ATP8B4: variants seen among roughly 807,000 people sequenced by gnomAD.
ATP8B4 encodes the protein probable phospholipid-transporting ATPase IM.
A neutral mutation model predicts 145.6 loss-of-function variants in ATP8B4; 133 were observed. The ratio of observed to expected loss-of-function variants is 0.91; its 90% CI spans 0.79 to 1.05. ATP8B4 has a LOEUF of 1.05. Among genes scored for constraint, ATP8B4 ranks in the 50% least tolerant of loss-of-function variants. ATP8B4 has a pLI of 0.00. For missense variants in ATP8B4, 1,458 were observed against 1,425.2 expected (o/e 1.02, Z -0.37); for synonymous variants, 507 against 492.9 (o/e 1.03, Z -0.38).
intron 5 of ATP8B4, among the ~76,000 whole-genome samples, chr15:50,042,781 T>G (rs997121360): frequency 6.6e-6 from 1 of 152,096 alleles, no homozygotes; most frequent in Non-Finnish European, 1.5e-5. Context: ...GATGGACTAT[T>G]ACAGACTAAA....
At chr15:49,909,868 C>T (rs978553514) in intron 20 of ATP8B4, among the ~76,000 whole-genome samples, 4 of 151,930 alleles carry the variant, frequency 2.6e-5, no homozygotes, top group Non-Finnish European at 4.4e-5. Flanking sequence ...GAAAGTAAAT[C>T]CACAAAATTG....
intron 1 of ATP8B4, among the ~76,000 whole-genome samples, chr15:50,124,734 C>A (rs1016137367): frequency 6.6e-6 from 1 of 152,192 alleles, no homozygotes; most frequent in Non-Finnish European, 1.5e-5. Context: ...GACACTCAGA[C>A]ACAAGCAAGA....
At chr15:49,954,598 G>T (rs1222523911) in intron 14 of ATP8B4, among the ~76,000 whole-genome samples, 7 of 152,108 alleles carry the variant, frequency 4.6e-5, no homozygotes, top group Admixed American at 3.9e-4. Context: ...AATCATCAGA[G>T]AAATGCAAAT....
chr15:50,174,378 C>T (rs541863326), intron 1 of ATP8B4, among the ~76,000 whole-genome samples: 7 of 152,114 alleles, frequency 4.6e-5, no homozygotes, highest in African/African-American at 1.7e-4. Context: ...ACGATAGGAT[C>T]ATTTACCTTG....
upstream of ATP8B4, among the ~76,000 whole-genome samples, chr15:50,119,783 G>A (rs931685745): frequency 1.1e-4 from 11 of 103,560 alleles, no homozygotes; most frequent in Admixed American, 9.5e-5. Context: ...TTTTTTTACA[G>A]GGGAAGTTCA....
chr15:49,921,923 T>TCA (rs968104765), intron 17 of ATP8B4, among the ~76,000 whole-genome samples: 27 of 152,196 alleles, frequency 1.8e-4, no homozygotes, highest in African/African-American at 5.5e-4. Flanking sequence ...TCCTCTTAAT[T>TCA]CACACAAGCA....
chr15:49,897,996 T>A lies in ATP8B4; in HGVS notation c.2473+72A>T, dbSNP rs2037599834. 2.8e-5 allele frequency: 42 copies of A among 1,511,288 alleles called. No individual in the cohort carries two copies. The South Asian group carries it at 4.4e-4, about 16-fold the overall frequency. The allele number at this position is 1,511,288 out of a possible 1,614,324, so 93.6% of individuals were successfully genotyped here. A position where few individuals can be genotyped will look rare whatever the true frequency, so the allele number is the denominator to read the frequency against. ...TTAAATTTTAATGCAATCTAGTGAT[T>A]ATATATTGCCAAATGCTGAAACTGA... On this transcript the variant is annotated intron_variant, in intron 22 of 27. Transcript: ENST00000284509.
At chr15:50,111,792 T>A (rs1202452280) in intron 1 of ATP8B4, among the ~76,000 whole-genome samples, 1 of 152,190 alleles carries the variant, frequency 6.6e-6, no homozygotes, top group Non-Finnish European at 1.5e-5. Context: ...CATTGATGTC[T>A]CTTTGTCAAC....
At chr15:49,897,141 C>G (rs1369585685) in intron 23 of ATP8B4, 151 bp downstream of exon 23, 2 of 690,286 alleles carry the variant, frequency 2.9e-6, no homozygotes, top group Non-Finnish European at 2.3e-6. Flanking sequence ...CTCAAGTCAA[C>G]TATCAATTAC....
At chr15:49,990,099 G>A (rs2046932807) in intron 9 of ATP8B4, among the ~76,000 whole-genome samples, 1 of 152,118 alleles carries the variant, frequency 6.6e-6, no homozygotes, top group African/African-American at 2.4e-5. Context: ...CAACAGCCGG[G>A]GCTTAGTTTG....
At chr15:50,028,991 T>C (rs56400949) in intron 6 of ATP8B4, among the ~76,000 whole-genome samples, 48,811 of 151,786 alleles carry the variant, frequency 0.32, 8,342 homozygotes, top group East Asian at 0.64. Context: ...TCCCAGCACT[T>C]TGGGAGGCCG....
chr15:50,094,817 C>G (rs934817809), intron 2 of ATP8B4, among the ~76,000 whole-genome samples: 2 of 151,552 alleles, frequency 1.3e-5, no homozygotes, highest in African/African-American at 4.8e-5. Context: ...AACATAACAC[C>G]TGACTCAAGA....
At chr15:49,994,315 G>A (rs567394128) in intron 9 of ATP8B4, among the ~76,000 whole-genome samples, 2 of 152,008 alleles carry the variant, frequency 1.3e-5, no homozygotes, top group East Asian at 1.9e-4. Flanking sequence ...TCACCCCATC[G>A]TTTCACACTC....
intron 1 of ATP8B4, among the ~76,000 whole-genome samples, chr15:50,110,986 G>C (rs2153671278): frequency 6.6e-6 from 1 of 152,166 alleles, no homozygotes; most frequent in East Asian, 1.9e-4. Context: ...AAATAGCAAA[G>C]TCAAAAGAAG....
chr15:49,930,196 A>G (rs2041123889), intron 16 of ATP8B4, among the ~76,000 whole-genome samples: 2 of 152,008 alleles, frequency 1.3e-5, no homozygotes, highest in African/African-American at 2.4e-5. Context: ...AAAAAGAGCA[A>G]TTGTTTTCTG....
intron 1 of ATP8B4, among the ~76,000 whole-genome samples, chr15:50,118,323 C>G (rs1038232368): frequency 6.6e-5 from 10 of 151,928 alleles, no homozygotes; most frequent in African/African-American, 2.4e-4. Flanking sequence ...TAAATATGTG[C>G]AGTTATTACA....
At chr15:49,999,099 G>A (rs1225357438) in intron 8 of ATP8B4, among the ~76,000 whole-genome samples, 3 of 151,858 alleles carry the variant, frequency 2.0e-5, no homozygotes, top group African/African-American at 7.3e-5. Context: ...GTTTATTGTG[G>A]CACTATTCAC....
chr15:50,167,345 G>A (rs2044610053), intron 1 of ATP8B4, among the ~76,000 whole-genome samples: 1 of 152,114 alleles, frequency 6.6e-6, no homozygotes, highest in Non-Finnish European at 1.5e-5. Context: ...ACACTCTGAG[G>A]GAGAATCCAT....
chr15:50,068,587 A>G (rs1335977987), intron 3 of ATP8B4, among the ~76,000 whole-genome samples: 1 of 152,218 alleles, frequency 6.6e-6, no homozygotes, highest in African/African-American at 2.4e-5. Flanking sequence ...CAGGAAAAAA[A>G]TCCTTTAAAA....
Sources: gnomAD v4.1 joint callset for allele counts (sites outside exome capture counted in the v4.1 genomes callset) on GRCh38, gnomAD v4.1.1 for gene constraint, MANE v1.5 for transcripts, NCBI Gene and HGNC (gene_info 2026-07-23, HGNC 2026-07-21) for gene names.